KCNK1: variants seen among roughly 807,000 people sequenced by gnomAD.
KCNK1 encodes the protein potassium channel subfamily K member 1.
A neutral mutation model predicts 22.2 loss-of-function variants in KCNK1; 10 were observed. The observed-to-expected ratio is 0.45, with a 90% confidence interval of 0.28 to 0.76. The LOEUF (loss-of-function observed/expected upper bound fraction) is 0.76. Ranked by LOEUF, KCNK1 falls within the 30% of genes least tolerant of loss-of-function variation. The pLI, the probability that KCNK1 is intolerant of heterozygous loss-of-function variation, is 0.14. For missense variants in KCNK1, 378 were observed against 421.0 expected (o/e 0.90, Z 0.89); for synonymous variants, 200 against 186.4 (o/e 1.07, Z -0.60).
intron 1 of KCNK1, among the ~76,000 whole-genome samples, chr1:233,660,203 A>T (rs1658367855): frequency 2.0e-5 from 3 of 152,170 alleles, no homozygotes; most frequent in Admixed American, 1.3e-4. Context: ...TTTACCTGAT[A>T]TTTACGTTAA....
intron 1 of KCNK1, among the ~76,000 whole-genome samples, chr1:233,638,786 C>T (rs915998745): frequency 2.0e-5 from 3 of 152,088 alleles, no homozygotes; most frequent in Admixed American, 6.5e-5. Context: ...TGCAGGGAAA[C>T]GTTTTATGCC....
chr1:233,663,054 A>G (rs1406292274), intron 1 of KCNK1, among the ~76,000 whole-genome samples: 4 of 152,346 alleles, frequency 2.6e-5, no homozygotes, highest in South Asian at 2.1e-4. Context: ...TTAAAATTCA[A>G]TAGGACTGAA....
intron 1 of KCNK1, 91 bp from the exon 2 acceptor site, chr1:233,666,504 A>C (rs763630117): frequency 3.2e-6 from 4 of 1,258,400 alleles, no homozygotes; most frequent in Non-Finnish European, 4.4e-6. Context: ...TTTGAGGGGA[A>C]TAAGGGCAGA....
chr1:233,668,404 G>T (rs1213604786), intron 2 of KCNK1, among the ~76,000 whole-genome samples: 2 of 152,272 alleles, frequency 1.3e-5, no homozygotes, highest in South Asian at 2.1e-4. Context: ...TTTGAACAGT[G>T]CCTGGCTACC....
intron 1 of KCNK1, among the ~76,000 whole-genome samples, chr1:233,648,127 C>T (rs75045918): frequency 0.026 from 3,976 of 152,260 alleles, 70 homozygotes; most frequent in Non-Finnish European, 0.045. Context: ...TTTGTAAGTG[C>T]CATACCTCTG....
chr1:233,648,825 C>G (rs987468400), intron 1 of KCNK1, among the ~76,000 whole-genome samples: 1 of 152,176 alleles, frequency 6.6e-6, no homozygotes, highest in Non-Finnish European at 1.5e-5. Flanking sequence ...CCTTGGCCCC[C>G]CAAAGTGCTG....
intron 2 of KCNK1, among the ~76,000 whole-genome samples, chr1:233,669,428 C>G (rs901841393): frequency 1.3e-5 from 2 of 152,132 alleles, no homozygotes; most frequent in Non-Finnish European, 2.9e-5. Context: ...TTTTGAGCAT[C>G]AAGAACCTGA....
rs980652755 is a variant in KCNK1 at position 233,651,657 on chromosome 1, G to A, written c.356-14938G>A. On this transcript the variant is annotated intron_variant, in intron 1 of 2. Transcript: ENST00000366621. ...CTATTCTGTTTTATGCAATAATCAG[G>A]GTCAGGTTTCTAACTCTCTCTTCGA... Among the ~76,000 whole-genome samples, 6 of 152,242 alleles carry A rather than the reference G, an allele frequency of 3.9e-5. No individual in the cohort carries two copies. In the East Asian group the frequency reaches 1.2e-3, roughly 29 times the overall value.
chr1:233,650,067 T>G (rs1558116213), intron 1 of KCNK1: 1 of 533,242 alleles, frequency 1.9e-6, no homozygotes, highest in Non-Finnish European at 3.8e-6. Context: ...GACACTTTCT[T>G]GTCCTTGTAA....
At chr1:233,644,290 G>T (rs1386602766) in intron 1 of KCNK1, among the ~76,000 whole-genome samples, 3 of 152,048 alleles carry the variant, frequency 2.0e-5, no homozygotes, top group Admixed American at 2.0e-4. Flanking sequence ...GTTGGACTGG[G>T]GATTCAGTTT....
At chr1:233,614,632 C>G (rs1470461698) in intron 1 of KCNK1, 106 bp downstream of exon 1, 6 of 842,306 alleles carry the variant, frequency 7.1e-6, no homozygotes, top group Admixed American at 5.8e-5. Context: ...CCCCACCCCC[C>G]ACCTTTCGCC....
chr1:233,646,123 G>A (rs150638745), intron 1 of KCNK1, among the ~76,000 whole-genome samples: 137 of 152,220 alleles, frequency 9.0e-4, no homozygotes, highest in African/African-American at 3.1e-3. Flanking sequence ...AGATGCCTAC[G>A]TCACATTCAA....
chr1:233,642,012 G>A (rs1558113942), intron 1 of KCNK1, among the ~76,000 whole-genome samples: 1 of 152,146 alleles, frequency 6.6e-6, no homozygotes, highest in Non-Finnish European at 1.5e-5. Flanking sequence ...TGTCTTCAGT[G>A]GTTAGCTTTT....
Position 233,614,155 on chromosome 1 carries a change from C to A in KCNK1, c.-17C>A. 3 of 1,569,172 alleles carry A rather than the reference C, an allele frequency of 1.9e-6. No individual in the cohort carries two copies. Among genetic ancestry groups the A allele is most frequent in the Non-Finnish European group, 2.6e-6 (3 of 1,162,042 alleles). ...GGCCGGTCTGCGGCGTTGGCCTTGGCGGCGGCGGTGGAGAAGATGCTGCAG... is the reference window on the plus strand; with the variant it reads ...GGCCGGTCTGCGGCGTTGGCCTTGGAGGCGGCGGTGGAGAAGATGCTGCAG... On this transcript the variant is annotated 5_prime_UTR_variant, in exon 1 of 3. Transcript: ENST00000366621.
intron 1 of KCNK1, among the ~76,000 whole-genome samples, chr1:233,664,627 C>T (rs1004296008): frequency 1.4e-4 from 22 of 152,170 alleles, no homozygotes; most frequent in Non-Finnish European, 2.2e-4. Context: ...TGGGCCTTGC[C>T]GTAGTTCATT....
At chr1:233,653,467 C>T (rs1658234349) in intron 1 of KCNK1, among the ~76,000 whole-genome samples, 1 of 148,068 alleles carries the variant, frequency 6.8e-6, no homozygotes, top group African/African-American at 2.5e-5. Context: ...TAAAACATTA[C>T]ATCTGGGTGC....
intron 1 of KCNK1, among the ~76,000 whole-genome samples, chr1:233,630,203 T>A (rs1453956903): frequency 1.3e-5 from 2 of 152,208 alleles, no homozygotes; most frequent in Non-Finnish European, 2.9e-5. Context: ...TACAAATGGG[T>A]ACTTCTAAGT....
At position 233,625,597 on chromosome 1, in the gene KCNK1, A is replaced by G. The variant is rs185419868; in HGVS notation, c.355+11071A>G. 1.6e-3 allele frequency among the ~76,000 whole-genome samples: 238 copies of G among 152,214 alleles called. 1 individual carries two copies. The highest frequency in any genetic ancestry group is 5.4e-3 in the African/African-American group (224 of 41,520). On this transcript the variant is annotated intron_variant, in intron 1 of 2. Coordinates refer to ENST00000366621, the MANE Select transcript of KCNK1 (RefSeq NM_002245.4). ...TCTGAGCTCCAGCATGAACAAAGAG[A>G]TAACTAAGGGAAATGCACAGGATGT...
intron 1 of KCNK1, among the ~76,000 whole-genome samples, chr1:233,655,486 G>C (rs2102904199): frequency 6.6e-6 from 1 of 152,242 alleles, no homozygotes. Context: ...GTGTGAGAAG[G>C]ACATGAAATT....
Sources: allele counts gnomAD v4.1 joint callset (sites outside exome capture counted in the v4.1 genomes callset), GRCh38; gene constraint gnomAD v4.1.1; transcripts MANE v1.5; gene names NCBI Gene and HGNC (gene_info 2026-07-23, HGNC 2026-07-21).